The following LYRM1 variants were observed in gnomAD, a reference collection of about 807,000 sequenced individuals.
LYRM1 encodes the protein LYR motif containing 1, also known as LYR motif-containing protein 1.
LYRM1 carries 14 observed loss-of-function variants against 14.9 expected under a neutral mutation model. The observed-to-expected ratio is 0.94, with a 90% CI of 0.62 to 1.47. The LOEUF is 1.47. Among genes scored for constraint, LYRM1 ranks in the 40% most tolerant of loss-of-function variants. The pLI is 0.00. For missense variants in LYRM1, 153 were observed against 149.9 expected (o/e 1.02, Z -0.11); for synonymous variants, 43 against 56.2 (o/e 0.77, Z 1.05).
At chr16:20,910,809 G>A (rs186198424) in intron 1 of LYRM1, among the ~76,000 whole-genome samples, 1 of 152,218 alleles carries the variant, frequency 6.6e-6, no homozygotes, top group East Asian at 1.9e-4. Context: ...AAACCTTGCT[G>A]CTGATTGAAT....
chr16:20,914,068 A>C (rs953148931), intron 1 of LYRM1, among the ~76,000 whole-genome samples: 1 of 152,094 alleles, frequency 6.6e-6, no homozygotes, highest in Non-Finnish European at 1.5e-5. Context: ...TCAGCCTCCC[A>C]AAGTGCTGGG....
rs944713487 is a variant in LYRM1, at chr16:20,923,966, G to T, written c.253-34G>T. ...GAATATGAGCTGCTGCAATGATGATGAATATGATTCTTCATATTATTGTTC... is the reference window on the plus strand; with the variant it reads ...GAATATGAGCTGCTGCAATGATGATTAATATGATTCTTCATATTATTGTTC... On this transcript the variant is annotated intron_variant, in intron 3 of 3. Transcript: ENST00000567954. 3 of 1,177,390 alleles carry T rather than the reference G, an allele frequency of 2.5e-6. No individual in the cohort carries two copies. In the South Asian group the frequency reaches 3.8e-5, roughly 15 times the overall value. 72.9% of individuals were successfully genotyped at this position (1,177,390 alleles called of 1,614,324 possible). A position where few individuals can be genotyped will look rare whatever the true frequency, so the allele number is the denominator to read the frequency against.
intron 1 of LYRM1, among the ~76,000 whole-genome samples, chr16:20,905,889 T>G (rs1349550619): frequency 6.6e-6 from 1 of 152,222 alleles, no homozygotes; most frequent in African/African-American, 2.4e-5. Flanking sequence ...TATTTAACCC[T>G]TCAATGCTCT....
At chr16:20,912,353 T>C (rs1172141654) in intron 1 of LYRM1, among the ~76,000 whole-genome samples, 1 of 152,056 alleles carries the variant, frequency 6.6e-6, no homozygotes, top group African/African-American at 2.4e-5. Flanking sequence ...CACTGCCAGC[T>C]CCGCCTCCCG....
intron 3 of LYRM1, among the ~76,000 whole-genome samples, chr16:20,922,610 C>T (rs2083256316): frequency 6.6e-6 from 1 of 152,166 alleles, no homozygotes; most frequent in Admixed American, 6.5e-5. Context: ...CTGCCTCACC[C>T]TCCCAAGTAG....
intron 1 of LYRM1, among the ~76,000 whole-genome samples, chr16:20,904,452 G>C (rs1441564686): frequency 6.6e-6 from 1 of 151,932 alleles, no homozygotes; most frequent in African/African-American, 2.4e-5. Context: ...TTTTCCCTTA[G>C]GTAAAATAAA....
In LYRM1 at chr16:20,920,158, G is replaced by A. The variant is rs146595529; in HGVS notation, c.196G>A (p.Glu66Lys). The change falls in exon 3 of 4, where the codon GAA becomes AAA. Residue 66 changes from glutamate to lysine, a missense_variant. Glu to Lys is a moderately conservative substitution (Grantham distance 56). Coordinates refer to ENST00000567954, the MANE Select transcript of LYRM1 (RefSeq NM_001128302.3). Reference protein sequence around the residue: ...DTDLIKQCIDECTARIEIGLH... With the variant: ...DTDLIKQCIDKCTARIEIGLH... ...AGACCTAATTAAACAGTGTATAGATGAATGCACAGCCAGGATTGAAATTGG... is the reference window on the plus strand; with the variant it reads ...AGACCTAATTAAACAGTGTATAGATAAATGCACAGCCAGGATTGAAATTGG... The A allele has an allele frequency of 1.1e-4, 178 of 1,614,020 alleles. No individual in the cohort carries two copies. The African/African-American group carries it at 2.2e-3, about 20-fold the overall frequency.
intron 3 of LYRM1, among the ~76,000 whole-genome samples, chr16:20,921,101 A>ATTTG (rs1477745083): frequency 6.6e-6 from 1 of 152,044 alleles, no homozygotes; most frequent in Admixed American, 6.6e-5. Flanking sequence ...TTATTTATTT[A>ATTTG]TTTGTGGAGA....
intron 1 of LYRM1, among the ~76,000 whole-genome samples, chr16:20,914,878 C>T (rs1316932782): frequency 6.6e-6 from 1 of 152,190 alleles, no homozygotes; most frequent in Non-Finnish European, 1.5e-5. Context: ...GATTAAATTC[C>T]ATTTCTCCCT....
intron 1 of LYRM1, chr16:20,902,817 C>A (rs1044881597): frequency 6.6e-6 from 1 of 152,224 alleles, no homozygotes; most frequent in African/African-American, 2.4e-5. Flanking sequence ...GTCTTCCTGG[C>A]TCCTGGTACA....
chr16:20,912,793 G>A (rs2082661965), intron 1 of LYRM1, among the ~76,000 whole-genome samples: 1 of 151,516 alleles, frequency 6.6e-6, no homozygotes. Flanking sequence ...CAGGCGGGGT[G>A]CGGTGGCTCA....
At chr16:20,908,787 CTGTT>C (rs994191092) in intron 1 of LYRM1, among the ~76,000 whole-genome samples, 3 of 152,102 alleles carry the variant, frequency 2.0e-5, no homozygotes, top group African/African-American at 4.8e-5. Context: ...AAGTAGGTGT[CTGTT>C]TGATGGTGTG....
chr16:20,922,521 G>C (rs535073248), intron 3 of LYRM1, among the ~76,000 whole-genome samples: 25 of 151,784 alleles, frequency 1.6e-4, no homozygotes, highest in African/African-American at 6.0e-4. Flanking sequence ...ACGGAGTCTC[G>C]CACTGTCACC....
chr16:20,912,099 C>G (rs564881833), intron 1 of LYRM1, among the ~76,000 whole-genome samples: 1 of 151,974 alleles, frequency 6.6e-6, no homozygotes, highest in Admixed American at 6.6e-5. Context: ...CAGCCCTGTC[C>G]AATTTTTGTA....
upstream of LYRM1, chr16:20,900,518 G>A (rs946736719): frequency 4.6e-5 from 7 of 152,220 alleles, no homozygotes; most frequent in Admixed American, 2.0e-4. Context: ...ACATAAAGAC[G>A]TACGAAGCCG....
chr16:20,908,788 T>C (rs2082444885), intron 1 of LYRM1, among the ~76,000 whole-genome samples: 1 of 152,130 alleles, frequency 6.6e-6, no homozygotes, highest in South Asian at 2.1e-4. Context: ...AGTAGGTGTC[T>C]GTTTGATGGT....
intron 1 of LYRM1, 36 bp from the exon 2 acceptor site, chr16:20,915,520 G>C (rs749542943): frequency 1.3e-6 from 2 of 1,573,432 alleles, no homozygotes; most frequent in African/African-American, 2.7e-5. Context: ...GCATTTTTAT[G>C]CAAATTTTCC....
chr16:20,905,616 A>AT (rs1249630555), intron 1 of LYRM1, among the ~76,000 whole-genome samples: 1 of 152,046 alleles, frequency 6.6e-6, no homozygotes, highest in African/African-American at 2.4e-5. Flanking sequence ...CCCCAAAAGG[A>AT]TTTTTTCAGG....
At chr16:20,923,509 AAAAAG>A (rs2083305896) in intron 3 of LYRM1, among the ~76,000 whole-genome samples, 1 of 151,204 alleles carries the variant, frequency 6.6e-6, no homozygotes, top group Non-Finnish European at 1.5e-5. Context: ...AAAAAAAAAA[AAAAAG>A]AAAGAAAGAA....
Sources: allele counts gnomAD v4.1 joint callset (sites outside exome capture counted in the v4.1 genomes callset), GRCh38; gene constraint gnomAD v4.1.1; transcripts MANE v1.5; gene names NCBI Gene and HGNC (gene_info 2026-07-23, HGNC 2026-07-21).